The following XPOT variants were observed in gnomAD, a reference collection of about 807,000 sequenced individuals.
The protein encoded by XPOT is exportin for tRNA, also known as exportin-T.
XPOT carries 34 observed loss-of-function variants against 128.2 expected under a neutral mutation model. The ratio of observed to expected loss-of-function variants is 0.27; its 90% confidence interval spans 0.20 to 0.35. The LOEUF is 0.35. XPOT is among the 10% of genes least tolerant of loss of function. The pLI is 1.00. For missense variants in XPOT, 838 were observed against 1,125.3 expected (o/e 0.74, Z 3.65); for synonymous variants, 348 against 394.3 (o/e 0.88, Z 1.39).
intron 23 of XPOT, among the ~76,000 whole-genome samples, chr12:64,441,540 T>C (rs1037509572): frequency 1.5e-4 from 23 of 152,208 alleles, no homozygotes; most frequent in Non-Finnish European, 3.2e-4. Flanking sequence ...TCAGGGCCTT[T>C]TGTGATTCCA....
intron 23 of XPOT, 67 bp downstream of exon 23, chr12:64,439,382 T>G: frequency 7.1e-7 from 1 of 1,400,402 alleles, no homozygotes; most frequent in Non-Finnish European, 1.0e-6. Context: ...CCTGTGACAT[T>G]GTCGCTAGCA....
At chr12:64,434,979 T>C in intron 21 of XPOT, 70 bp downstream of exon 21, 2 of 1,276,640 alleles carry the variant, frequency 1.6e-6, no homozygotes, top group Non-Finnish European at 2.2e-6. Context: ...TAATGCCAGG[T>C]TGATTATATT....
Position 64,425,795 on chromosome 12 carries a change from A to G in XPOT, c.1573-20A>G, listed in dbSNP as rs1270020632. 1.2e-6 allele frequency: 2 copies of G among 1,609,352 alleles called. No individual in the cohort carries two copies. The highest frequency in any genetic ancestry group is 1.7e-6 in the Non-Finnish European group (2 of 1,176,606). On this transcript the variant is annotated intron_variant, in intron 14 of 24. Transcript: ENST00000332707. The stretch of plus-strand genomic sequence containing the variant: ...ACCCTTGAAAAAATGCAGAAATAGT[A>G]AAAGTGTCTCCTTCTTTAGATGGCT...
rs1484258050 is a variant in XPOT, at chr12:64,431,642, C to G, written c.2081C>G (p.Pro694Arg). 6.2e-7 allele frequency: 1 copy of G among 1,613,768 alleles called. No individual in the cohort carries two copies. The highest frequency in any genetic ancestry group is 1.3e-5 in the African/African-American group (1 of 74,898). The change falls in exon 18 of 25, where the codon CCC (proline) becomes CGC (arginine). Residue 694 changes from proline to arginine, a missense_variant. By Grantham distance (103) the Pro-to-Arg change is moderately radical. Around this residue, in one of 3 missense-constraint regions of XPOT, gnomAD observed 761 missense variants for 988.3 expected, o/e 0.77. Transcript: ENST00000332707. ...ACATTCTTGCCAGCCCTCAGTTGTC[C>G]CTTACAAAAGGATATTCTCAGAAGT... The part of the protein sequence containing the change: ...LQTFLPALSC[P>R]LQKDILRSGV...
At chr12:64,409,501 C>T (rs552826402) in intron 1 of XPOT, among the ~76,000 whole-genome samples, 6 of 152,240 alleles carry the variant, frequency 3.9e-5, no homozygotes, top group Middle Eastern at 3.4e-3. Flanking sequence ...TTTGGGAGGC[C>T]AAGGCGGGCG....
In XPOT at chr12:64,410,090, C is replaced by T. The variant is rs2040023787; in HGVS notation, c.55C>T (p.Gln19Ter). 6.2e-7 allele frequency: 1 copy of T among 1,613,452 alleles called. No homozygotes were observed. Among genetic ancestry groups the T allele is most frequent in the African/African-American group, 1.3e-5 (1 of 74,906 alleles). ...LNPNADSDFRQRALAYFEQLK... is the reference protein window; with the variant it reads ...LNPNADSDFR ...TCCAAATGCTGATTCAGACTTTAGA[C>T]AAAGGGTAAGTTACTCTGCTGAATC... is the stretch of plus-strand genomic sequence containing the variant. Residue 19 changes from glutamine (Q) to a stop codon, truncating the protein, a stop_gained, in exon 2 of 25, where the codon CAA becomes TAA. Coordinates refer to ENST00000332707, the MANE Select transcript of XPOT (RefSeq NM_007235.6). LOFTEE classifies it high-confidence loss of function.
At chr12:64,407,381 G>T (rs2039993205) in intron 1 of XPOT, among the ~76,000 whole-genome samples, 1 of 151,828 alleles carries the variant, frequency 6.6e-6, no homozygotes, top group African/African-American at 2.4e-5. Context: ...AGCTATTTGG[G>T]AGGCTGAGGC....
chr12:64,418,880 T>C lies in XPOT; in HGVS notation c.275T>C (p.Leu92Pro), dbSNP rs1190827820. The C allele has an allele frequency of 5.0e-6, 8 of 1,613,602 alleles. No homozygotes were observed. In the Admixed American group the frequency reaches 1.0e-4, roughly 20 times the overall value. ...GACTGTTTCTCTGTTTGTCAGATGCTGAATCCCCAACCAGAGAAGACCTTT... is the reference window on the plus strand; with the variant it reads ...GACTGTTTCTCTGTTTGTCAGATGCCGAATCCCCAACCAGAGAAGACCTTT... ...TLISWLQAQM[L>P]NPQPEKTFIR... The change falls in exon 6 of 25, where the codon CTG becomes CCG. Residue 92 changes from leucine to proline, a missense_variant. Physicochemically the swap from Leu to Pro is moderately conservative, Grantham distance 98. Around this residue, in one of 3 missense-constraint regions of XPOT, gnomAD observed 761 missense variants for 988.3 expected, o/e 0.77. Transcript: ENST00000332707.
At chr12:64,424,771 C>G (rs771725185) in intron 12 of XPOT, 48 bp downstream of exon 12, 4 of 1,602,360 alleles carry the variant, frequency 2.5e-6, no homozygotes, top group Non-Finnish European at 3.4e-6. Flanking sequence ...TTCTTTTGCT[C>G]TTTGATATGG....
At chr12:64,432,340 G>T (rs911974595) in intron 18 of XPOT, among the ~76,000 whole-genome samples, 8 of 151,980 alleles carry the variant, frequency 5.3e-5, no homozygotes, top group African/African-American at 1.7e-4. Flanking sequence ...CCACCTCCCA[G>T]GTTCAAGCGA....
intron 22 of XPOT, among the ~76,000 whole-genome samples, chr12:64,437,952 C>T (rs1235264575): frequency 6.6e-6 from 1 of 152,132 alleles, no homozygotes; most frequent in Non-Finnish European, 1.5e-5. Flanking sequence ...GCACTCCAGC[C>T]TGGGCAACAG....
rs2040228652 is a variant in XPOT at position 64,430,322 on chromosome 12, T to C, written c.1976+35T>C. 3.3e-6 allele frequency: 5 copies of C among 1,496,136 alleles called. No homozygotes were observed. The South Asian group carries it at 5.4e-5, about 16-fold the overall frequency. The allele number at this position is 1,496,136 out of a possible 1,614,324, so 92.7% of individuals were successfully genotyped here. A position where few individuals can be genotyped will look rare whatever the true frequency, so the allele number is the denominator to read the frequency against. On this transcript the variant is annotated intron_variant, in intron 17 of 24. Transcript: ENST00000332707. ...ATCACAGTTAAAATTATAAAGTGCA[T>C]GTATCTACACAGACAGAACCACTTG...
chr12:64,416,605 C>T, intron 3 of XPOT, 93 bp from the exon 4 acceptor site: 1 of 1,006,380 alleles, frequency 9.9e-7, no homozygotes, highest in Middle Eastern at 2.2e-4. Context: ...GTTTGAGAAA[C>T]TTTTCTGCTG....
At chr12:64,434,428 A>ATG (rs2040266045) in intron 19 of XPOT, 79 bp from the exon 20 acceptor site, 3 of 902,060 alleles carry the variant, frequency 3.3e-6, no homozygotes, top group Admixed American at 2.0e-5. Context: ...TGACTTGTTA[A>ATG]TGTATATGAA....
chr12:64,428,716 AT>A (rs1229051826), intron 16 of XPOT, among the ~76,000 whole-genome samples: 2 of 152,358 alleles, frequency 1.3e-5, no homozygotes, highest in East Asian at 3.8e-4. Context: ...TTAAAAAATT[AT>A]TTGAAAGATA....
intron 22 of XPOT, among the ~76,000 whole-genome samples, chr12:64,438,135 G>A (rs1308886133): frequency 6.6e-6 from 1 of 152,164 alleles, no homozygotes; most frequent in Non-Finnish European, 1.5e-5. Context: ...GAAACAGTAA[G>A]GATGGTATTT....
intron 18 of XPOT, 122 bp downstream of exon 18, chr12:64,431,945 C>T: frequency 2.1e-6 from 2 of 951,012 alleles, no homozygotes; most frequent in South Asian, 1.7e-5. Flanking sequence ...ACTTAAGAGC[C>T]TCATGGATCA....
At chr12:64,421,508 A>G in intron 9 of XPOT, 37 bp downstream of exon 9, 2 of 1,398,732 alleles carry the variant, frequency 1.4e-6, no homozygotes, top group Non-Finnish European at 2.0e-6. Context: ...TCAATACATA[A>G]TACAAAGGAG....
Position 64,421,970 on chromosome 12 carries a change from A to G in XPOT, c.1080+499A>G, listed in dbSNP as rs112287694. The stretch of plus-strand genomic sequence containing the variant: ...TGGGATTACAGGCATGCACCACCAC[A>G]TCCAGCTGATTTTGTACTTTTAGTA... On this transcript the variant is annotated intron_variant, in intron 9 of 24. Transcript: ENST00000332707. Among the ~76,000 whole-genome samples the G allele has an allele frequency of 9.5e-3, 1,448 of 152,134 alleles. 21 individuals carry two copies. Among genetic ancestry groups the G allele is most frequent in the African/African-American group, 0.033 (1,354 of 41,486 alleles).
Sources: gnomAD v4.1 joint callset for allele counts (sites outside exome capture counted in the v4.1 genomes callset) on GRCh38, gnomAD v4.1.1 for gene constraint, gnomAD v4.1.1 regional missense constraint, MANE v1.5 for transcripts, NCBI Gene and HGNC (gene_info 2026-07-23, HGNC 2026-07-21) for gene names.